DLG2: variants seen among roughly 807,000 people sequenced by gnomAD.
DLG2 encodes discs large MAGUK scaffold protein 2, also known as disks large homolog 2.
Under a neutral mutation model 132.5 loss-of-function variants are expected in DLG2, and 45 were observed. The ratio of observed to expected loss-of-function variants is 0.34; its 90% CI spans 0.27 to 0.44. The LOEUF (loss-of-function observed/expected upper bound fraction) is 0.44, where lower values mean the gene tolerates loss of function less well. Ranked by LOEUF, DLG2 falls within the 20% of genes least tolerant of loss-of-function variation. The pLI, the probability that DLG2 is intolerant of heterozygous loss-of-function variation, is 1.00. For synonymous variants in DLG2, 424 were observed against 419.6 expected (o/e 1.01, Z -0.13); for missense variants, 1,045 against 1,196.9 (o/e 0.87, Z 1.87).
intron 20 of DLG2, among the ~76,000 whole-genome samples, chr11:83,533,279 T>C (rs1310385255): frequency 6.6e-6 from 1 of 152,204 alleles, no homozygotes; most frequent in Non-Finnish European, 1.5e-5. Flanking sequence ...TTCCCCAATG[T>C]CCTTCTGTCA....
intron 18 of DLG2, among the ~76,000 whole-genome samples, chr11:83,655,386 T>C (rs948497457): frequency 1.3e-5 from 2 of 152,228 alleles, no homozygotes; most frequent in Non-Finnish European, 2.9e-5. Flanking sequence ...GATATAGACA[T>C]TGTTACTGGC....
intron 3 of DLG2, among the ~76,000 whole-genome samples, chr11:85,366,727 T>G (rs2084583260): frequency 6.6e-6 from 1 of 152,150 alleles, no homozygotes; most frequent in African/African-American, 2.4e-5. Flanking sequence ...GTATACATTT[T>G]GATGTATATA....
intron 4 of DLG2, among the ~76,000 whole-genome samples, chr11:85,192,166 A>C (rs2080640537): frequency 6.6e-6 from 1 of 152,164 alleles, no homozygotes; most frequent in South Asian, 2.1e-4. Context: ...CTTTCCACTT[A>C]CTAGTACCAT....
At chr11:85,502,468 G>C (rs2093827094) in intron 3 of DLG2, among the ~76,000 whole-genome samples, 1 of 151,676 alleles carries the variant, frequency 6.6e-6, no homozygotes, top group Admixed American at 6.6e-5. Flanking sequence ...ATACTATGCA[G>C]CCATAAAAAG....
intron 3 of DLG2, among the ~76,000 whole-genome samples, chr11:85,292,767 A>G (rs72950165): frequency 0.056 from 6,069 of 108,224 alleles, 215 homozygotes; most frequent in East Asian, 0.11. Context: ...GAGAGGAGAA[A>G]GGAAGGAGGG....
chr11:84,084,470 C>T (rs567649059), intron 10 of DLG2, among the ~76,000 whole-genome samples: 3 of 152,062 alleles, frequency 2.0e-5, no homozygotes, highest in South Asian at 2.1e-4. Context: ...TGGGAGAAAC[C>T]GCTCTCAGAA....
rs188703516 is a variant in DLG2 at position 83,796,352 on chromosome 11, C to A, written c.1723-9560G>T. Among the ~76,000 whole-genome samples the A allele has an allele frequency of 2.1e-3, 320 of 152,310 alleles. 1 individual carries two copies. Among genetic ancestry groups the A allele is most frequent in the African/African-American group, 7.3e-3 (305 of 41,562 alleles). ...TCTTTGTGTTGAATCTTTCTTTCCACCTCTTGGCTTCAGTTCTGCCCTCTG... is the reference window on the plus strand; with the variant it reads ...TCTTTGTGTTGAATCTTTCTTTCCAACTCTTGGCTTCAGTTCTGCCCTCTG... On this transcript the variant is annotated intron_variant, in intron 17 of 27. Coordinates refer to ENST00000376104, the MANE Select transcript of DLG2 (RefSeq NM_001142699.3).
intron 6 of DLG2, among the ~76,000 whole-genome samples, chr11:84,637,517 G>A (rs540396760): frequency 6.6e-6 from 1 of 152,328 alleles, no homozygotes; most frequent in Non-Finnish European, 1.5e-5. Flanking sequence ...AATTGTCATG[G>A]ACCTCTGAAA....
chr11:83,979,064 A>G (rs2092548009), intron 12 of DLG2, among the ~76,000 whole-genome samples: 1 of 152,144 alleles, frequency 6.6e-6, no homozygotes, highest in Non-Finnish European at 1.5e-5. Flanking sequence ...GCCCTTTATA[A>G]AAGAACATGG....
chr11:85,535,339 T>C (rs2075508884), intron 3 of DLG2, among the ~76,000 whole-genome samples: 1 of 152,098 alleles, frequency 6.6e-6, no homozygotes, highest in African/African-American at 2.4e-5. Context: ...CCATAAAGAT[T>C]ATACCAATTT....
chr11:85,475,713 C>T (rs934821095), intron 3 of DLG2, among the ~76,000 whole-genome samples: 1 of 152,042 alleles, frequency 6.6e-6, no homozygotes, highest in African/African-American at 2.4e-5. Context: ...TTTTTATTTT[C>T]ATTTTATTTT....
rs550052749 is a variant in DLG2, at chr11:84,189,703, C to G, written c.574-26192G>C. On this transcript the variant is annotated intron_variant, in intron 8 of 27. Transcript: ENST00000376104. ...GGATGAAGTTGGAAGTCATTATTCT[C>G]AACAAACTAATGCAGGAACAGAAAA... 6.3e-4 allele frequency among the ~76,000 whole-genome samples: 96 copies of G among 152,224 alleles called. 2 individuals carry two copies. The South Asian group carries it at 0.018, about 28-fold the overall frequency.
chr11:85,412,618 G>A (rs1393065279), intron 3 of DLG2, among the ~76,000 whole-genome samples: 2 of 151,122 alleles, frequency 1.3e-5, no homozygotes, highest in Non-Finnish European at 3.0e-5. Flanking sequence ...AACATATGAT[G>A]TTTGGTTTTT....
intron 7 of DLG2, among the ~76,000 whole-genome samples, chr11:84,439,034 T>C (rs898703025): frequency 6.6e-6 from 1 of 152,148 alleles, no homozygotes; most frequent in South Asian, 2.1e-4. Context: ...TCATAGGCAA[T>C]TGGAGGTAGA....
At chr11:84,938,339 A>G (rs973789066) in intron 6 of DLG2, among the ~76,000 whole-genome samples, 6 of 152,198 alleles carry the variant, frequency 3.9e-5, no homozygotes, top group African/African-American at 1.4e-4. Context: ...GATTTTATGG[A>G]TAGAGAATAC....
intron 6 of DLG2, among the ~76,000 whole-genome samples, chr11:84,936,287 T>C (rs1183746841): frequency 2.6e-5 from 4 of 152,206 alleles, no homozygotes; most frequent in Non-Finnish European, 5.9e-5. Context: ...GGATTAAATA[T>C]TTTGATAATT....
At chr11:85,144,212 T>A (rs891468288) in intron 5 of DLG2, among the ~76,000 whole-genome samples, 1 of 151,884 alleles carries the variant, frequency 6.6e-6, no homozygotes, top group Non-Finnish European at 1.5e-5. Context: ...GTTCCTATCT[T>A]AGAATTTATT....
At chr11:84,348,951 C>G (rs2098550624) in intron 7 of DLG2, among the ~76,000 whole-genome samples, 1 of 152,106 alleles carries the variant, frequency 6.6e-6, no homozygotes, top group Non-Finnish European at 1.5e-5. Context: ...CCTTGCCAAC[C>G]CACCTTAATG....
At chr11:84,204,704 A>T (rs894016819) in intron 8 of DLG2, among the ~76,000 whole-genome samples, 8 of 152,280 alleles carry the variant, frequency 5.3e-5, no homozygotes, top group South Asian at 4.1e-4. Context: ...ATACTTTTTA[A>T]TTTATTTTAT....
Sources: gnomAD v4.1 joint callset for allele counts (sites outside exome capture counted in the v4.1 genomes callset) on GRCh38, gnomAD v4.1.1 for gene constraint, MANE v1.5 for transcripts, NCBI Gene and HGNC (gene_info 2026-07-23, HGNC 2026-07-21) for gene names.